SLC35F1: variants seen among roughly 807,000 people sequenced by gnomAD.
The protein encoded by SLC35F1 is chromosome 6 open reading frame 169.
A neutral mutation model predicts 48.7 loss-of-function variants in SLC35F1; 14 were observed. The observed-to-expected ratio is 0.29, with a 90% confidence interval of 0.19 to 0.45. SLC35F1 has a LOEUF of 0.45. Among genes scored for constraint, SLC35F1 ranks in the 20% least tolerant of loss-of-function variants. The probability of loss-of-function intolerance (pLI) is 1.00; values close to 1 mark genes in which losing one functional copy is unlikely to be tolerated. For missense variants in SLC35F1, 404 were observed against 500.0 expected, an observed-to-expected ratio of 0.81 and a Z score of 1.83; for synonymous variants, 190 against 202.2, an observed-to-expected ratio of 0.94 and a Z score of 0.51.
intron 2 of SLC35F1, among the ~76,000 whole-genome samples, chr6:118,233,136 A>G (rs139090452): frequency 2.6e-5 from 4 of 152,204 alleles, no homozygotes; most frequent in Admixed American, 1.3e-4. Flanking sequence ...CAGCTAATTC[A>G]TGTATTTTTT....
chr6:118,053,056 G>A (rs759780926), intron 1 of SLC35F1, among the ~76,000 whole-genome samples: 10 of 151,548 alleles, frequency 6.6e-5, no homozygotes, highest in Non-Finnish European at 1.3e-4. Context: ...GACTTGAATC[G>A]ATACTGTGAA....
At chr6:118,147,432 G>A (rs997057590) in intron 1 of SLC35F1, among the ~76,000 whole-genome samples, 1 of 152,184 alleles carries the variant, frequency 6.6e-6, no homozygotes, top group African/African-American at 2.4e-5. Flanking sequence ...GGTCATGGCA[G>A]CGACCACTGG....
At chr6:118,032,566 T>C (rs770428994) in intron 1 of SLC35F1, among the ~76,000 whole-genome samples, 1 of 152,178 alleles carries the variant, frequency 6.6e-6, no homozygotes, top group African/African-American at 2.4e-5. Flanking sequence ...GAAAAAATAA[T>C]AGTAATGTAG....
At position 118,266,976 on chromosome 6, in the gene SLC35F1, C is replaced by A; in HGVS notation, c.478-19C>A. On this transcript the variant is annotated intron_variant, in intron 3 of 7. Coordinates refer to ENST00000360388, the MANE Select transcript of SLC35F1 (RefSeq NM_001029858.4). Reference sequence around the variant, plus strand: ...CTCCTGAATCTCCTGTTGTTGTTTACCTTCATCCCTCCCAATAGCTCCTGG... The same window carrying A: ...CTCCTGAATCTCCTGTTGTTGTTTAACTTCATCCCTCCCAATAGCTCCTGG... The A allele has an allele frequency of 6.2e-7, 1 of 1,612,784 alleles. No individual in the cohort carries two copies. Among genetic ancestry groups the A allele is most frequent in the Non-Finnish European group, 8.5e-7 (1 of 1,178,986 alleles).
At chr6:117,939,093 G>C (rs995517010) in intron 1 of SLC35F1, among the ~76,000 whole-genome samples, 4 of 144,636 alleles carry the variant, frequency 2.8e-5, no homozygotes, top group African/African-American at 1.0e-4. Flanking sequence ...TCAAAATCTT[G>C]AGCTCAAATG....
At chr6:118,271,678 T>C (rs1163067584) in intron 4 of SLC35F1, among the ~76,000 whole-genome samples, 2 of 152,170 alleles carry the variant, frequency 1.3e-5, no homozygotes, top group African/African-American at 4.8e-5. Flanking sequence ...CAAACATGTC[T>C]CCAAACATGA....
intron 1 of SLC35F1, among the ~76,000 whole-genome samples, chr6:117,920,093 C>G (rs1775877779): frequency 6.6e-6 from 1 of 152,216 alleles, no homozygotes; most frequent in Non-Finnish European, 1.5e-5. Context: ...GTTCCCGGGG[C>G]TGGCTGGAGT....
At chr6:117,920,070 T>C (rs1374053196) in intron 1 of SLC35F1, among the ~76,000 whole-genome samples, 1 of 152,234 alleles carries the variant, frequency 6.6e-6, no homozygotes, top group East Asian at 1.9e-4. Flanking sequence ...AGTGGAGCTC[T>C]TTGTGACGCC....
chr6:118,224,665 T>A (rs1175431787), intron 2 of SLC35F1, among the ~76,000 whole-genome samples: 1 of 152,242 alleles, frequency 6.6e-6, no homozygotes, highest in Non-Finnish European at 1.5e-5. Flanking sequence ...GTATTATTAG[T>A]AGCTGTTATA....
chr6:118,189,210 C>A (rs1417557486), intron 2 of SLC35F1, among the ~76,000 whole-genome samples: 1 of 152,164 alleles, frequency 6.6e-6, no homozygotes, highest in Non-Finnish European at 1.5e-5. Flanking sequence ...CATGCCCAGT[C>A]CAACTTACAT....
intron 2 of SLC35F1, among the ~76,000 whole-genome samples, chr6:118,187,438 A>G (rs1034430635): frequency 2.0e-5 from 3 of 152,232 alleles, no homozygotes; most frequent in African/African-American, 7.2e-5. Context: ...AAGTGAAACA[A>G]CAAAAAGAAG....
chr6:118,055,843 G>C (rs1468699992), intron 1 of SLC35F1, among the ~76,000 whole-genome samples: 1 of 152,210 alleles, frequency 6.6e-6, no homozygotes, highest in African/African-American at 2.4e-5. Flanking sequence ...GGCCTTGTCA[G>C]TATCCTGGAA....
At chr6:118,219,116 C>T (rs1490869086) in intron 2 of SLC35F1, among the ~76,000 whole-genome samples, 1 of 152,102 alleles carries the variant, frequency 6.6e-6, no homozygotes, top group South Asian at 2.1e-4. Flanking sequence ...CTAGTGCCAC[C>T]GTTGGCACAT....
chr6:117,926,629 A>G (rs1175196083), intron 1 of SLC35F1, among the ~76,000 whole-genome samples: 1 of 152,110 alleles, frequency 6.6e-6, no homozygotes, highest in African/African-American at 2.4e-5. Flanking sequence ...TGAGTATGTG[A>G]TGAATTCTGG....
In SLC35F1 at chr6:118,015,833, A is replaced by G. The variant is rs562615960; in HGVS notation, c.173+107934A>G. Among the ~76,000 whole-genome samples, 156 of 152,268 alleles carry G rather than the reference A, an allele frequency of 1.0e-3. 1 individual carries two copies. Among genetic ancestry groups the G allele is most frequent in the Admixed American group, 4.6e-3 (71 of 15,292 alleles). ...TTACCCCATGCCACACTTCTTTACC[A>G]GACTAAAAGCTCCTTAAGGACAAGG... On this transcript the variant is annotated intron_variant, in intron 1 of 7. Coordinates refer to ENST00000360388, the MANE Select transcript of SLC35F1 (RefSeq NM_001029858.4).
At chr6:118,118,644 A>C (rs1191518642) in intron 1 of SLC35F1, among the ~76,000 whole-genome samples, 1 of 152,008 alleles carries the variant, frequency 6.6e-6, no homozygotes, top group African/African-American at 2.4e-5. Context: ...TTTTTAATCG[A>C]GTTGTCATTG....
At chr6:117,927,562 C>T (rs1311479127) in intron 1 of SLC35F1, among the ~76,000 whole-genome samples, 1 of 152,182 alleles carries the variant, frequency 6.6e-6, no homozygotes, top group East Asian at 1.9e-4. Context: ...TTCAAAAGAC[C>T]TGTGCTTTTG....
chr6:118,042,967 A>C (rs560902296), intron 1 of SLC35F1, among the ~76,000 whole-genome samples: 59 of 152,288 alleles, frequency 3.9e-4, no homozygotes, highest in Admixed American at 1.0e-3. Flanking sequence ...GTCATGTTGG[A>C]AATTCCTGCA....
chr6:118,301,842 G>A (rs117673450), intron 7 of SLC35F1, among the ~76,000 whole-genome samples: 3,894 of 152,212 alleles, frequency 0.026, 84 homozygotes, highest in Middle Eastern at 0.068. Context: ...TGCCAGATTT[G>A]TTAGTTTTCT....
Sources: allele counts gnomAD v4.1 joint callset (sites outside exome capture counted in the v4.1 genomes callset), GRCh38; gene constraint gnomAD v4.1.1; transcripts MANE v1.5; gene names NCBI Gene and HGNC (gene_info 2026-07-23, HGNC 2026-07-21).